Variants in NUP35 observed in about 807,000 individuals in gnomAD.
The protein encoded by NUP35 is nucleoporin 35, also known as nucleoporin NUP35.
Under a neutral mutation model 41.5 loss-of-function variants are expected in NUP35, and 25 were observed. That is an observed-to-expected ratio of 0.60 (90% CI 0.44 to 0.84). The LOEUF is 0.84. NUP35 is among the 40% of genes least tolerant of loss of function. The probability of loss-of-function intolerance (pLI) is 0.00; values close to 1 mark genes in which losing one functional copy is unlikely to be tolerated. For synonymous variants in NUP35, 149 were observed against 130.7 expected, an observed-to-expected ratio of 1.14 and a Z score of -0.96; for missense variants, 396 against 396.6, an observed-to-expected ratio of 1.00 and a Z score of 0.01.
At position 183,140,598 on chromosome 2, in the gene NUP35, G is replaced by C. The variant is rs187262691; in HGVS notation, c.397+6975G>C. 7.0e-4 allele frequency among the ~76,000 whole-genome samples: 107 copies of C among 152,140 alleles called. 1 individual carries two copies. The highest frequency in any genetic ancestry group is 3.4e-3 in the Middle Eastern group (1 of 294). ...GCAATTTGGGAGGCCAAGGCGGGTA[G>C]ATCACCTGAGGTCAGGAGTTCAAGA... is the stretch of plus-strand genomic sequence containing the variant. On this transcript the variant is annotated intron_variant, in intron 4 of 8. Transcript: ENST00000295119.
At chr2:183,120,752 G>T (rs1310498757), upstream of NUP35, among the ~76,000 whole-genome samples, 1 of 152,166 alleles carries the variant, frequency 6.6e-6, no homozygotes, top group African/African-American at 2.4e-5. Context: ...CTGAATTGAG[G>T]TTCGTCTGAC....
At chr2:183,148,594 C>CT (rs1217309740) in intron 4 of NUP35, among the ~76,000 whole-genome samples, 1 of 152,006 alleles carries the variant, frequency 6.6e-6, no homozygotes, top group African/African-American at 2.4e-5. Context: ...ATTTGTATGT[C>CT]TTTTGAAAAA....
chr2:183,150,600 T>G (rs1685437576), intron 4 of NUP35, among the ~76,000 whole-genome samples: 1 of 152,046 alleles, frequency 6.6e-6, no homozygotes, highest in East Asian at 1.9e-4. Flanking sequence ...CTCCCTTCTC[T>G]GCTTTATTTT....
chr2:183,129,017 G>A lies in NUP35; in HGVS notation c.211+560G>A, dbSNP rs370042073. ...ATTTCTGTGTCGGAGATGTCAGAGT[G>A]TGGTGGGGGAAGAGTGCCTCACAGA... On this transcript the variant is annotated intron_variant, in intron 2 of 8. Coordinates refer to ENST00000295119, the MANE Select transcript of NUP35 (RefSeq NM_138285.5). Among the ~76,000 whole-genome samples the A allele has an allele frequency of 3.9e-5, 6 of 152,318 alleles. No homozygotes were observed. The East Asian group carries it at 9.6e-4, about 24-fold the overall frequency.
chr2:183,155,142 G>A (rs1310830433), intron 5 of NUP35, among the ~76,000 whole-genome samples: 1 of 152,178 alleles, frequency 6.6e-6, no homozygotes, highest in African/African-American at 2.4e-5. Flanking sequence ...TGGAGACACA[G>A]CTGAACTGTA....
chr2:183,150,670 T>G (rs955838882), intron 4 of NUP35, among the ~76,000 whole-genome samples: 3 of 152,230 alleles, frequency 2.0e-5, no homozygotes, highest in African/African-American at 2.4e-5. Flanking sequence ...TTTGTCTCTC[T>G]TTCGCTAGAA....
chr2:183,156,299 G>A (rs187280363), intron 5 of NUP35, among the ~76,000 whole-genome samples: 2 of 152,044 alleles, frequency 1.3e-5, no homozygotes, highest in Non-Finnish European at 2.9e-5. Flanking sequence ...TGAATTTTCA[G>A]TTCTGATTGC....
chr2:183,129,678 A>G (rs745563644), intron 2 of NUP35, among the ~76,000 whole-genome samples: 57 of 152,198 alleles, frequency 3.7e-4, no homozygotes, highest in Admixed American at 9.2e-4. Flanking sequence ...ACTGAGGCTA[A>G]ATGCAATAAG....
intron 5 of NUP35, 81 bp from the exon 6 acceptor site, chr2:183,157,363 C>G: frequency 9.5e-7 from 1 of 1,055,452 alleles, no homozygotes; most frequent in East Asian, 2.4e-5. Flanking sequence ...GGCCATTTAT[C>G]TTGAAACATT....
At chr2:183,160,136 G>A (rs1685820943) in intron 8 of NUP35, 1 of 157,242 alleles carries the variant, frequency 6.4e-6, no homozygotes, top group African/African-American at 2.4e-5. Flanking sequence ...AAGAATGGTA[G>A]AAGTATTATG....
intron 4 of NUP35, among the ~76,000 whole-genome samples, chr2:183,148,407 A>G (rs910440775): frequency 1.3e-5 from 2 of 152,122 alleles, no homozygotes; most frequent in Admixed American, 1.3e-4. Flanking sequence ...AGGTTGTACT[A>G]ATTTACGTTC....
At chr2:183,127,474 C>T (rs1012296812) in intron 1 of NUP35, among the ~76,000 whole-genome samples, 11 of 151,952 alleles carry the variant, frequency 7.2e-5, no homozygotes, top group African/African-American at 1.9e-4. Context: ...AATAAGTTTT[C>T]GACTCTTTTC....
At chr2:183,133,325 T>C (rs1477572213) in intron 3 of NUP35, among the ~76,000 whole-genome samples, 1 of 52,482 alleles carries the variant, frequency 1.9e-5, no homozygotes, top group African/African-American at 1.8e-4. Flanking sequence ...AAGATAGTCT[T>C]TTTTTTTTTT....
At chr2:183,141,188 A>G (rs1001555881) in intron 4 of NUP35, among the ~76,000 whole-genome samples, 2 of 151,540 alleles carry the variant, frequency 1.3e-5, no homozygotes, top group Non-Finnish European at 2.9e-5. Context: ...TTCAAAGCAT[A>G]TCATTCCATT....
upstream of NUP35, among the ~76,000 whole-genome samples, chr2:183,119,580 A>G (rs1222172593): frequency 1.3e-5 from 2 of 152,152 alleles, no homozygotes; most frequent in Admixed American, 6.5e-5. Flanking sequence ...AAGAAATACA[A>G]TGTGAAGAGC....
At chr2:183,135,530 G>C (rs1261916797) in intron 4 of NUP35, among the ~76,000 whole-genome samples, 5 of 152,204 alleles carry the variant, frequency 3.3e-5, no homozygotes, top group Non-Finnish European at 7.3e-5. Context: ...GGATGAGACT[G>C]TTGCTGGGTT....
Position 183,124,474 on chromosome 2 carries a change from T to C in NUP35, c.17T>C (p.Val6Ala), listed in dbSNP as rs28616737. 2 of 1,614,078 alleles carry C rather than the reference T, an allele frequency of 1.2e-6. No individual in the cohort carries two copies. Among genetic ancestry groups the C allele is most frequent in the Non-Finnish European group, 1.7e-6 (2 of 1,180,026 alleles). ...GCCGACGCAATGGCAGCCTTTGCAG[T>C]GGAACCTCAGGGGCCCGCGTTAGGT... Reference protein sequence around the residue: MAAFAVEPQGPALGSE... With the variant: MAAFAAEPQGPALGSE... Residue 6 changes from valine to alanine, a missense_variant, in exon 1 of 9, where the codon GTG becomes GCG. Transcript: ENST00000295119.
chr2:183,139,377 C>T (rs1685003190), intron 4 of NUP35, among the ~76,000 whole-genome samples: 1 of 151,902 alleles, frequency 6.6e-6, no homozygotes, highest in South Asian at 2.1e-4. Flanking sequence ...ATACCCAGCC[C>T]TTTGTAAATG....
chr2:183,121,711 C>T (rs964413616), upstream of NUP35, among the ~76,000 whole-genome samples: 1 of 151,746 alleles, frequency 6.6e-6, no homozygotes, highest in Non-Finnish European at 1.5e-5. Context: ...GTGGCATGCG[C>T]CTGTACTCCC....
Sources: allele counts gnomAD v4.1 joint callset (sites outside exome capture counted in the v4.1 genomes callset), GRCh38; gene constraint gnomAD v4.1.1; transcripts MANE v1.5; gene names NCBI Gene and HGNC (gene_info 2026-07-23, HGNC 2026-07-21).